AP4S1: variants seen among roughly 807,000 people sequenced by gnomAD.
The protein encoded by AP4S1 is adaptor related protein complex 4 subunit sigma 1, also known as AP-4 complex subunit sigma-1.
AP4S1 carries 23 observed loss-of-function variants against 19.8 expected under a neutral mutation model. The observed-to-expected ratio is 1.16, with a 90% CI of 0.84 to 1.65. The LOEUF is 1.65. Ranked by LOEUF, AP4S1 falls within the 40% of genes most tolerant of loss-of-function variation. AP4S1 has a pLI of 0.00. For synonymous variants in AP4S1, 46 were observed against 54.1 expected (o/e 0.85, Z 0.66); for missense variants, 166 against 172.8 (o/e 0.96, Z 0.22).
chr14:31,091,648 C>G (rs74042130), intron 5 of AP4S1, among the ~76,000 whole-genome samples: 4,055 of 151,322 alleles, frequency 0.027, 141 homozygotes, highest in African/African-American at 0.083. Context: ...CTAATAAAAA[C>G]TTTAAAGTCA....
rs138887042 is a variant in AP4S1, at chr14:31,072,732, CAAGT to C, written c.226-172_226-169del. 0.087 allele frequency among the ~76,000 whole-genome samples: 13,272 copies of C among 152,158 alleles called. 653 individuals are homozygous for C. The highest frequency in any genetic ancestry group is 0.16 in the South Asian group (748 of 4,822). ...CCCCCATTGATAAACATCTTTTAAA[CAAGT>C]GAGTGATAGAACTGTTCTGAATATT... On this transcript the variant is annotated intron_variant, in intron 3 of 5. Coordinates refer to ENST00000542754, the MANE Select transcript of AP4S1 (RefSeq NM_001128126.3).
chr14:31,075,152 C>A (rs748694078), intron 4 of AP4S1, among the ~76,000 whole-genome samples: 1 of 152,140 alleles, frequency 6.6e-6, no homozygotes, highest in African/African-American at 2.4e-5. Flanking sequence ...CATATTTGCA[C>A]CCATTAATCT....
intron 5 of AP4S1, among the ~76,000 whole-genome samples, chr14:31,082,773 G>A (rs1003129968): frequency 1.3e-5 from 2 of 152,112 alleles, no homozygotes; most frequent in Non-Finnish European, 2.9e-5. Flanking sequence ...GCGGGCGCCT[G>A]TAGTCCCAGC....
chr14:31,090,583 A>G (rs1888050740), intron 5 of AP4S1, among the ~76,000 whole-genome samples: 1 of 152,210 alleles, frequency 6.6e-6, no homozygotes, highest in Non-Finnish European at 1.5e-5. Flanking sequence ...TGAGCTCACT[A>G]CATTAGTATA....
Position 31,046,865 on chromosome 14 carries a change from G to A in AP4S1, c.-71-19261G>A, listed in dbSNP as rs866631779. On this transcript the variant is annotated intron_variant, in intron 1 of 5. Coordinates refer to ENST00000542754, the MANE Select transcript of AP4S1 (RefSeq NM_001128126.3). ...CGTCTCAAAAAAAAAAAAAAAAAAA[G>A]AAGAAGTAGAATTGCTGGATAATAT... is the stretch of plus-strand genomic sequence containing the variant. 1.2e-3 allele frequency among the ~76,000 whole-genome samples: 164 copies of A among 135,946 alleles called. 2 individuals are homozygous for A. The highest frequency in any genetic ancestry group is 1.4e-3 in the Non-Finnish European group (88 of 60,924). 89.2% of individuals were successfully genotyped at this position (135,946 alleles called of 152,430 possible). A position where few individuals can be genotyped will look rare whatever the true frequency, so the allele number is the denominator to read the frequency against.
chr14:31,049,681 C>T (rs545519653), intron 1 of AP4S1, among the ~76,000 whole-genome samples: 3 of 151,696 alleles, frequency 2.0e-5, no homozygotes, highest in Admixed American at 6.6e-5. Context: ...TTTTGAAACA[C>T]GGTCTTTCTC....
chr14:31,073,872 G>A (rs1172979782), intron 4 of AP4S1, among the ~76,000 whole-genome samples: 2 of 151,862 alleles, frequency 1.3e-5, no homozygotes, highest in Admixed American at 1.3e-4. Flanking sequence ...AAGACACCAG[G>A]ATGCTTTTCA....
intron 1 of AP4S1, chr14:31,026,266 C>G: frequency 7.6e-7 from 1 of 1,318,066 alleles, no homozygotes; most frequent in Non-Finnish European, 9.7e-7. Flanking sequence ...CCCGCGCTGG[C>G]TGCGGGGCGG....
At chr14:31,092,767 AAATTT>A in intron 5 of AP4S1, 135 bp from the exon 6 acceptor site, 1 of 617,248 alleles carries the variant, frequency 1.6e-6, no homozygotes, top group Non-Finnish European at 2.7e-6. Context: ...TGCCAGTTTT[AAATTT>A]AATTTCAGAA....
chr14:31,046,864 A>G (rs950653978), intron 1 of AP4S1, among the ~76,000 whole-genome samples: 2 of 141,828 alleles, frequency 1.4e-5, no homozygotes, highest in African/African-American at 4.9e-5. Context: ...AAAAAAAAAA[A>G]GAAGAAGTAG....
At chr14:31,033,983 A>G (rs1884570353) in intron 1 of AP4S1, among the ~76,000 whole-genome samples, 1 of 152,382 alleles carries the variant, frequency 6.6e-6, no homozygotes, top group East Asian at 1.9e-4. Flanking sequence ...CCTGGAGCCA[A>G]GTCCCTCCTG....
intron 3 of AP4S1, among the ~76,000 whole-genome samples, chr14:31,071,626 G>A (rs558495771): frequency 2.6e-5 from 4 of 152,092 alleles, no homozygotes; most frequent in African/African-American, 9.6e-5. Flanking sequence ...TCACCTTTTG[G>A]CCAGGATGGT....
At chr14:31,047,379 C>T (rs1197695578) in intron 1 of AP4S1, among the ~76,000 whole-genome samples, 3 of 149,336 alleles carry the variant, frequency 2.0e-5, no homozygotes, top group Non-Finnish European at 4.5e-5. Flanking sequence ...TTTTTTGAGA[C>T]ACAATCTTTT....
chr14:31,059,231 G>A (rs1386844295), intron 1 of AP4S1, among the ~76,000 whole-genome samples: 1 of 152,192 alleles, frequency 6.6e-6, no homozygotes, highest in Non-Finnish European at 1.5e-5. Flanking sequence ...ATATATGCAA[G>A]TCTTTAGAAG....
intron 1 of AP4S1, among the ~76,000 whole-genome samples, chr14:31,049,686 T>C (rs1229977563): frequency 1.3e-5 from 2 of 151,916 alleles, no homozygotes. Context: ...AAACACGGTC[T>C]TTCTCTGTCA....
At chr14:31,029,174 G>A (rs1358723467) in intron 1 of AP4S1, among the ~76,000 whole-genome samples, 1 of 152,048 alleles carries the variant, frequency 6.6e-6, no homozygotes. Flanking sequence ...TCTTTCCTGT[G>A]GATTCTATTG....
At chr14:31,050,070 C>T (rs1000522662) in intron 1 of AP4S1, among the ~76,000 whole-genome samples, 13 of 152,056 alleles carry the variant, frequency 8.5e-5, no homozygotes, top group African/African-American at 1.9e-4. Context: ...TACAGGCATG[C>T]GCCACCACAC....
chr14:31,055,251 A>G (rs907502491), intron 1 of AP4S1, among the ~76,000 whole-genome samples: 11 of 152,142 alleles, frequency 7.2e-5, no homozygotes, highest in Admixed American at 6.6e-4. Flanking sequence ...TCAACATGCA[A>G]TAAAATGGTT....
intron 1 of AP4S1, among the ~76,000 whole-genome samples, chr14:31,054,636 C>G (rs1885995843): frequency 6.6e-6 from 1 of 151,960 alleles, no homozygotes; most frequent in African/African-American, 2.4e-5. Context: ...TTGCAGTAAG[C>G]CAAGATTGCG....
Sources: gnomAD v4.1 joint callset for allele counts (sites outside exome capture counted in the v4.1 genomes callset) on GRCh38, gnomAD v4.1.1 for gene constraint, MANE v1.5 for transcripts, NCBI Gene and HGNC (gene_info 2026-07-23, HGNC 2026-07-21) for gene names.